The following RAD54L variants were observed in gnomAD, a reference collection of about 807,000 sequenced individuals.
RAD54L encodes the protein DNA repair and recombination protein RAD54-like.
A neutral mutation model predicts 91.6 loss-of-function variants in RAD54L; 74 were observed. The observed-to-expected ratio is 0.81, with a 90% CI of 0.67 to 0.98. The LOEUF is 0.98. Among genes scored for constraint, RAD54L ranks in the 50% least tolerant of loss-of-function variants. The pLI is 0.00. For missense variants in RAD54L, 887 were observed against 945.7 expected (o/e 0.94, Z 0.81); for synonymous variants, 304 against 349.7 (o/e 0.87, Z 1.46).
intron 4 of RAD54L, 126 bp downstream of exon 4, chr1:46,258,872 G>A: frequency 1.3e-6 from 1 of 798,854 alleles, no homozygotes; most frequent in Non-Finnish European, 2.1e-6. Context: ...CGGTGGCTGT[G>A]TTTGGGGTGA....
At chr1:46,275,553 G>A (rs1660569234) in intron 16 of RAD54L, among the ~76,000 whole-genome samples, 1 of 151,940 alleles carries the variant, frequency 6.6e-6, no homozygotes. Flanking sequence ...GATTATTTGA[G>A]CTGTTTTCAG....
chr1:46,272,592 G>T, intron 11 of RAD54L, 52 bp downstream of exon 11: 1 of 1,611,118 alleles, frequency 6.2e-7, no homozygotes, highest in Non-Finnish European at 8.5e-7. Flanking sequence ...AGCTCCTGAA[G>T]CATGGCTGGG....
At chr1:46,251,577 C>A (rs774163003) in intron 3 of RAD54L, among the ~76,000 whole-genome samples, 4 of 151,900 alleles carry the variant, frequency 2.6e-5, no homozygotes, top group Non-Finnish European at 4.4e-5. Flanking sequence ...AAAAAAAAAT[C>A]ACTAATACAT....
chr1:46,258,161 A>G (rs1453113373), intron 3 of RAD54L, among the ~76,000 whole-genome samples: 1 of 152,156 alleles, frequency 6.6e-6, no homozygotes, highest in Non-Finnish European at 1.5e-5. Context: ...TACAGGTGTG[A>G]GCCACCATGC....
intron 8 of RAD54L, among the ~76,000 whole-genome samples, chr1:46,266,410 G>C (rs941357265): frequency 6.6e-6 from 1 of 152,250 alleles, no homozygotes; most frequent in East Asian, 1.9e-4. Context: ...GAGTGGTTGA[G>C]TTTTGTGTGC....
intron 3 of RAD54L, among the ~76,000 whole-genome samples, chr1:46,255,666 G>T (rs2148282430): frequency 6.6e-6 from 1 of 151,970 alleles, no homozygotes; most frequent in African/African-American, 2.4e-5. Flanking sequence ...ACCCAGCTCA[G>T]TTTTTTGTAC....
intron 12 of RAD54L, 136 bp downstream of exon 12, chr1:46,272,938 C>A: frequency 1.5e-6 from 2 of 1,304,850 alleles, no homozygotes; most frequent in Non-Finnish European, 2.2e-6. Flanking sequence ...CCAACCCTAC[C>A]CAAGGCATGA....
Position 46,273,721 on chromosome 1 carries a change from CTT to C in RAD54L, c.1586_1587del (p.Phe529Ter). 6.2e-7 allele frequency: 1 copy of C among 1,611,854 alleles called. No homozygotes were observed. The highest frequency in any genetic ancestry group is 2.2e-5 in the East Asian group (1 of 44,844). Reference sequence around the variant, plus strand: ...CGAATTACACCCAGACTTTGGATCTCTTTGAGAAGCTGTGCCGTGCCCGAAGG... The same window carrying C: ...CGAATTACACCCAGACTTTGGATCTCTGAGAAGCTGTGCCGTGCCCGAAGG... ...VSNYTQTLDLFEKLCRARRYL... is the reference protein window; with the variant it reads ...VSNYTQTLDLXEKLCRARRYL... On this transcript the variant is annotated frameshift_variant, in exon 14 of 18. Transcript: ENST00000371975. LOFTEE classifies it high-confidence loss of function.
intron 16 of RAD54L, among the ~76,000 whole-genome samples, chr1:46,276,232 T>C (rs944038514): frequency 6.6e-6 from 1 of 152,192 alleles, no homozygotes; most frequent in East Asian, 1.9e-4. Flanking sequence ...AGCTGGAGTA[T>C]AGTGGCACGA....
intron 16 of RAD54L, among the ~76,000 whole-genome samples, chr1:46,277,269 T>C (rs998463400): frequency 2.6e-5 from 4 of 152,204 alleles, no homozygotes; most frequent in Non-Finnish European, 5.9e-5. Flanking sequence ...CATCTACTCA[T>C]TTTCAAGATT....
chr1:46,265,722 A>C lies in RAD54L; in HGVS notation c.892-1737A>C, dbSNP rs1660249485. ...AGAAATCCTAGTCTCTGCCTAGTTG[A>C]GAAGATAAAGTACAGTAGAGTGTGA... is the stretch of plus-strand genomic sequence containing the variant. On this transcript the variant is annotated intron_variant, in intron 8 of 17. Transcript: ENST00000371975. The surrounding 1 kb of genome is among the most constrained non-coding windows in gnomAD (Gnocchi z 4.8). Among the ~76,000 whole-genome samples, 1 of 152,230 alleles carries C rather than the reference A, an allele frequency of 6.6e-6. No homozygotes were observed. Among genetic ancestry groups the C allele is most frequent in the Non-Finnish European group, 1.5e-5 (1 of 68,054 alleles).
chr1:46,250,507 C>G lies in RAD54L; in HGVS notation c.210+388C>G, dbSNP rs1252122665. Among the ~76,000 whole-genome samples the G allele has an allele frequency of 2.0e-5, 3 of 152,160 alleles. No homozygotes were observed. The East Asian group carries it at 5.8e-4, about 29-fold the overall frequency. ...TCTGTGCATTGCCTCATGTAATTCTCACGTTTTAAGATGAGAAAACAGTCT... is the reference window on the plus strand; with the variant it reads ...TCTGTGCATTGCCTCATGTAATTCTGACGTTTTAAGATGAGAAAACAGTCT... On this transcript the variant is annotated intron_variant, in intron 3 of 17. Coordinates refer to ENST00000371975, the MANE Select transcript of RAD54L (RefSeq NM_003579.4).
chr1:46,270,688 G>C lies in RAD54L; in HGVS notation c.1072G>C (p.Glu358Gln). The C allele has an allele frequency of 6.2e-7, 1 of 1,614,144 alleles. No individual in the cohort carries two copies. The highest frequency in any genetic ancestry group is 1.3e-5 in the African/African-American group (1 of 75,056). The change falls in exon 10 of 18, where the codon GAA (glutamate) becomes CAA (glutamine). Residue 358 changes from glutamate to glutamine, a missense_variant. Glu to Gln is a conservative substitution (Grantham distance 29). Transcript: ENST00000371975. The part of the protein sequence containing the change: ...GTAHEFKKHF[E>Q]LPILKGRDAA... ...TGCCCATGAATTCAAGAAGCATTTT[G>C]AATTGCCAATTTTGAAGGGTCGAGA...
chr1:46,248,904 T>C lies in RAD54L; in HGVS notation c.90+306T>C, dbSNP rs7517873. 8.2e-3 allele frequency among the ~76,000 whole-genome samples: 1,247 copies of C among 152,320 alleles called. 19 individuals are homozygous for C. Among genetic ancestry groups the C allele is most frequent in the Middle Eastern group, 0.037 (11 of 294 alleles). On this transcript the variant is annotated intron_variant, in intron 2 of 17. Transcript: ENST00000371975. ...GGGCTACACAACAGCAATTAGCAGC[T>C]GGCTCTTTTGCTCTTTGTCCCCTGC...
chr1:46,250,018 T>G lies in RAD54L; in HGVS notation c.109T>G (p.Ser37Ala), dbSNP rs758417435. The G allele has an allele frequency of 6.2e-7, 1 of 1,614,110 alleles. No individual in the cohort carries two copies. The highest frequency in any genetic ancestry group is 2.2e-5 in the East Asian group (1 of 44,886). Reference protein sequence around the residue: ...PGLVTPRKRKSSSETQIQECF... With the variant: ...PGLVTPRKRKASSETQIQECF... Reference sequence around the variant, plus strand: ...CTCCTAGACTCCTAGGAAACGGAAATCCAGCAGTGAGACCCAGATCCAGGA... The same window carrying G: ...CTCCTAGACTCCTAGGAAACGGAAAGCCAGCAGTGAGACCCAGATCCAGGA... Residue 37 changes from serine to alanine, a missense_variant, in exon 3 of 18, where the codon TCC becomes GCC. Transcript: ENST00000371975.
intron 8 of RAD54L, 22 bp downstream of exon 8, chr1:46,261,407 G>C: frequency 6.2e-7 from 1 of 1,613,930 alleles, no homozygotes; most frequent in Non-Finnish European, 8.5e-7. Flanking sequence ...TCAGCAGTCT[G>C]GGTGGTAGGA....
intron 9 of RAD54L, 147 bp from the exon 10 acceptor site, chr1:46,270,512 A>T: frequency 9.6e-7 from 1 of 1,039,290 alleles, no homozygotes; most frequent in Non-Finnish European, 1.5e-6. Context: ...TACCTCTCTG[A>T]TCTGTTAAAC....
intron 16 of RAD54L, 53 bp from the exon 17 acceptor site, chr1:46,277,764 T>A: frequency 5.2e-6 from 8 of 1,542,028 alleles, no homozygotes; most frequent in Non-Finnish European, 7.2e-6. Flanking sequence ...TCCCTTTTTA[T>A]GAGGATGGCT....
chr1:46,274,801 T>G lies in RAD54L; in HGVS notation c.1869+84T>G, dbSNP rs1396932006. The G allele has an allele frequency of 3.9e-6, 6 of 1,543,886 alleles. No individual in the cohort carries two copies. The African/African-American group carries it at 8.2e-5, about 21-fold the overall frequency. ...CATCTTGTTCCTTAGTGCCTCTCTT[T>G]GGCCTTTCTGCCTCTAGCAGTAGCC... is the stretch of plus-strand genomic sequence containing the variant. On this transcript the variant is annotated intron_variant, in intron 16 of 17. Transcript: ENST00000371975.
Sources: allele counts gnomAD v4.1 joint callset (sites outside exome capture counted in the v4.1 genomes callset), GRCh38; gene constraint gnomAD v4.1.1; non-coding constraint Gnocchi (gnomAD v3.1); transcripts MANE v1.5; gene names NCBI Gene and HGNC (gene_info 2026-07-23, HGNC 2026-07-21).